Variants in SNX16 observed in about 807,000 individuals in gnomAD.
SNX16 encodes sorting nexin-16.
Under a neutral mutation model 36.7 loss-of-function variants are expected in SNX16, and 35 were observed. That is an observed-to-expected ratio of 0.95 (90% CI 0.73 to 1.27). The LOEUF (loss-of-function observed/expected upper bound fraction) is 1.27. Among genes scored for constraint, SNX16 ranks in the 50% most tolerant of loss-of-function variants. The pLI, the probability that SNX16 is intolerant of heterozygous loss-of-function variation, is 0.00. For synonymous variants in SNX16, 134 were observed against 132.0 expected (o/e 1.02, Z -0.10); for missense variants, 367 against 393.6 (o/e 0.93, Z 0.57).
At chr8:81,816,469 C>A (rs942739161) in intron 4 of SNX16, among the ~76,000 whole-genome samples, 4 of 151,978 alleles carry the variant, frequency 2.6e-5, no homozygotes, top group Admixed American at 2.0e-4. Context: ...GGATTACAGG[C>A]ACGAACCACC....
Position 81,839,838 on chromosome 8 carries a change from C to T in SNX16, c.149G>A (p.Gly50Asp). Residue 50 changes from glycine to aspartate, a missense_variant, in exon 2 of 8, where the codon GGT (glycine) becomes GAT (aspartate). Gly to Asp is a moderately conservative substitution (Grantham distance 94). Transcript: ENST00000345957. ...SKGQLEDSNMGNFKQTSVPDQ... is the reference protein window; with the variant it reads ...SKGQLEDSNMDNFKQTSVPDQ... ...AGGAACACTTGTCTGTTTAAAATTA[C>T]CCATATTTGAGTCTTCTAACTGGCC... is the stretch of plus-strand genomic sequence containing the variant. 6.2e-7 allele frequency: 1 copy of T among 1,613,960 alleles called. No individual in the cohort carries two copies. The highest frequency in any genetic ancestry group is 8.5e-7 in the Non-Finnish European group (1 of 1,179,922).
chr8:81,815,116 CAT>C (rs1188549176), intron 5 of SNX16: 34 of 292,116 alleles, frequency 1.2e-4, no homozygotes, highest in Non-Finnish European at 1.9e-4. Flanking sequence ...GACTATAAGA[CAT>C]ATATGAATTT....
At chr8:81,806,728 C>T (rs1181344444) in intron 5 of SNX16, among the ~76,000 whole-genome samples, 1 of 151,898 alleles carries the variant, frequency 6.6e-6, no homozygotes, top group African/African-American at 2.4e-5. Context: ...TAGGAAAAAA[C>T]ACATTGTTAA....
chr8:81,804,648 C>G (rs1232059292), intron 5 of SNX16, among the ~76,000 whole-genome samples: 1 of 151,732 alleles, frequency 6.6e-6, no homozygotes, highest in Non-Finnish European at 1.5e-5. Flanking sequence ...AAAATAAACT[C>G]AAAACTTAAC....
intron 2 of SNX16, among the ~76,000 whole-genome samples, chr8:81,834,952 G>GC (rs1811428326): frequency 6.6e-6 from 1 of 152,288 alleles, no homozygotes; most frequent in East Asian, 1.9e-4. Context: ...ATGGGGCTCT[G>GC]ACCCCACATT....
rs532115458 is a variant in SNX16, at chr8:81,829,472, T to C, written c.420A>G (p.Val140=). 4 of 1,431,740 alleles carry C rather than the reference T, an allele frequency of 2.8e-6. No individual in the cohort carries two copies. The African/African-American group carries it at 4.5e-5, about 16-fold the overall frequency. The allele number at this position is 1,431,740 out of a possible 1,614,324, so 88.7% of individuals were successfully genotyped here. A position where few individuals can be genotyped will look rare whatever the true frequency, so the allele number is the denominator to read the frequency against. ...LVKKTPEESW[V]VFRRYTDFSR... is the part of the protein sequence containing the mutation. The stretch of plus-strand genomic sequence containing the variant: ...AGAAGTCAGTGTATCTTCTGAAAAC[T>C]ACCCAGCTTTCTTCTGGGGTTTTCT... Residue 140 remains valine (V), a synonymous_variant, in exon 3 of 8, where the codon GTA becomes GTG. Transcript: ENST00000345957.
At chr8:81,806,517 C>T (rs184454081) in intron 5 of SNX16, among the ~76,000 whole-genome samples, 68 of 152,070 alleles carry the variant, frequency 4.5e-4, no homozygotes, top group East Asian at 1.2e-3. Context: ...AAAACAACAA[C>T]GAAAACAATA....
Position 81,823,944 on chromosome 8 carries a change from A to G in SNX16, c.463-4T>C. 1 of 1,603,448 alleles carries G rather than the reference A, an allele frequency of 6.2e-7. No individual in the cohort carries two copies. Among genetic ancestry groups the G allele is most frequent in the Non-Finnish European group, 8.5e-7 (1 of 1,176,424 alleles). The stretch of plus-strand genomic sequence containing the variant: ...AACCTGGAAACATCTCTTTTAACTG[A>G]AAAAGAAGAAAAGAGCAAATACAAT... On this transcript the variant is annotated splice_region_variant and splice_polypyrimidine_tract_variant and intron_variant, in intron 3 of 7. Transcript: ENST00000345957.
At chr8:81,817,052 C>A (rs1342799137) in intron 4 of SNX16, among the ~76,000 whole-genome samples, 1 of 152,148 alleles carries the variant, frequency 6.6e-6, no homozygotes, top group Non-Finnish European at 1.5e-5. Flanking sequence ...CTATTACATA[C>A]AAATGACTCC....
Position 81,838,203 on chromosome 8 carries a change from AAAC to A in SNX16, c.375+1406_375+1408del, listed in dbSNP as rs552887970. Among the ~76,000 whole-genome samples the A allele has an allele frequency of 3.1e-3, 474 of 152,292 alleles. 3 individuals are homozygous for A. Among genetic ancestry groups the A allele is most frequent in the African/African-American group, 0.011 (439 of 41,566 alleles). ...AACAGATGTAAGAACCCTGCACCAAAAACAACAAAACATTACTAGAAAAAAATG... is the reference window on the plus strand; with the variant it reads ...AACAGATGTAAGAACCCTGCACCAAAAACAAAACATTACTAGAAAAAAATG... On this transcript the variant is annotated intron_variant, in intron 2 of 7. Coordinates refer to ENST00000345957, the MANE Select transcript of SNX16 (RefSeq NM_152836.3).
chr8:81,810,565 A>C (rs752115323), intron 5 of SNX16, among the ~76,000 whole-genome samples: 24 of 152,240 alleles, frequency 1.6e-4, no homozygotes, highest in Non-Finnish European at 2.8e-4. Flanking sequence ...ATATTTTCAA[A>C]TACAACTGTA....
intron 3 of SNX16, among the ~76,000 whole-genome samples, chr8:81,824,894 G>A (rs942699756): frequency 6.6e-6 from 1 of 152,228 alleles, no homozygotes; most frequent in African/African-American, 2.4e-5. Context: ...TGAAGGCTGG[G>A]TGCTGGAACT....
In SNX16 at chr8:81,800,111, C is replaced by A. The variant is rs1359756911; in HGVS notation, c.*1386G>T. 6.6e-6 allele frequency: 1 copy of A among 151,744 alleles called. No individual in the cohort carries two copies. Among genetic ancestry groups the A allele is most frequent in the Non-Finnish European group, 1.5e-5 (1 of 67,746 alleles). 9.4% of individuals were successfully genotyped at this position (151,744 alleles called of 1,614,324 possible). A position where few individuals can be genotyped will look rare whatever the true frequency, so the allele number is the denominator to read the frequency against. On this transcript the variant is annotated 3_prime_UTR_variant, in exon 8 of 8. Transcript: ENST00000345957. ...TGATATATGTCATTAGAATTTTAAA[C>A]AGCCACACCTTAATATATATATACA... is the stretch of plus-strand genomic sequence containing the variant.
chr8:81,801,419 G>T lies in SNX16; in HGVS notation c.*78C>A. 5 of 791,274 alleles carry T rather than the reference G, an allele frequency of 6.3e-6. No individual in the cohort carries two copies. The highest frequency in any genetic ancestry group is 9.9e-6 in the Non-Finnish European group (5 of 505,266). The allele number at this position is 791,274 out of a possible 1,614,324, so 49.0% of individuals were successfully genotyped here. A position where few individuals can be genotyped will look rare whatever the true frequency, so the allele number is the denominator to read the frequency against. On this transcript the variant is annotated 3_prime_UTR_variant, in exon 8 of 8. Transcript: ENST00000345957. ...CTTTTCTATATGTTTTACAGTTCTT[G>T]GTTCTTCTTTTAAAATAGTATTTGC...
intron 4 of SNX16, among the ~76,000 whole-genome samples, chr8:81,822,704 T>C (rs1335215310): frequency 1.3e-5 from 2 of 151,934 alleles, no homozygotes; most frequent in South Asian, 2.1e-4. Context: ...CTGCTACAAA[T>C]TGGAGGAAAA....
Position 81,801,596 on chromosome 8 carries a change from G to GAAAAA in SNX16, c.939-4_939-3insTTTTT. 1 of 1,133,568 alleles carries GAAAAA rather than the reference G, an allele frequency of 8.8e-7. No individual in the cohort carries two copies. The highest frequency in any genetic ancestry group is 1.1e-6 in the Non-Finnish European group (1 of 880,092). The allele number at this position is 1,133,568 out of a possible 1,614,324, so 70.2% of individuals were successfully genotyped here. On this transcript the variant is annotated splice_region_variant and splice_polypyrimidine_tract_variant and intron_variant, in intron 7 of 7. Coordinates refer to ENST00000345957, the MANE Select transcript of SNX16 (RefSeq NM_152836.3). ...TTAAGCATGGTTTATTATCAGCTCTGCAAAAAAAAAAAAAAAAGGAACATA... is the reference window on the plus strand; with the variant it reads ...TTAAGCATGGTTTATTATCAGCTCTGAAAAACAAAAAAAAAAAAAAAAGGAACATA...
chr8:81,806,701 T>C (rs529425577), intron 5 of SNX16, among the ~76,000 whole-genome samples: 7 of 151,926 alleles, frequency 4.6e-5, no homozygotes, highest in African/African-American at 1.7e-4. Flanking sequence ...AAAAATGAAA[T>C]GAAAGATATT....
chr8:81,819,084 G>C (rs1357123672), intron 4 of SNX16, among the ~76,000 whole-genome samples: 1 of 151,926 alleles, frequency 6.6e-6, no homozygotes, highest in Non-Finnish European at 1.5e-5. Context: ...AATAGATGTA[G>C]AATTAAAAAT....
chr8:81,830,743 C>A (rs954436412), intron 2 of SNX16, among the ~76,000 whole-genome samples: 1 of 152,048 alleles, frequency 6.6e-6, no homozygotes, highest in Non-Finnish European at 1.5e-5. Flanking sequence ...ACATCATTCT[C>A]CACAGAATTA....
Sources: gnomAD v4.1 joint callset for allele counts (sites outside exome capture counted in the v4.1 genomes callset) on GRCh38, gnomAD v4.1.1 for gene constraint, MANE v1.5 for transcripts, NCBI Gene and HGNC (gene_info 2026-07-23, HGNC 2026-07-21) for gene names.